CSMD1: variants seen among roughly 807,000 people sequenced by gnomAD.
CSMD1 encodes CUB and Sushi multiple domains 1.
Under a neutral mutation model 417.5 loss-of-function variants are expected in CSMD1, and 213 were observed. That is an observed-to-expected ratio of 0.51 (90% CI 0.46 to 0.57). CSMD1 has a LOEUF of 0.57. Among genes scored for constraint, CSMD1 ranks in the 20% least tolerant of loss-of-function variants. CSMD1 has a pLI of 0.00. For missense variants in CSMD1, 6,923 were observed against 4,529.7 expected (o/e 1.53, Z -15.17); for synonymous variants, 2,862 against 1,736.8 (o/e 1.65, Z -16.11).
At chr8:3,637,560 T>C (rs1563221258) in intron 7 of CSMD1, among the ~76,000 whole-genome samples, 1 of 152,142 alleles carries the variant, frequency 6.6e-6, no homozygotes, top group Non-Finnish European at 1.5e-5. Flanking sequence ...TTTTTTCCTA[T>C]TTTTTAATAC....
At chr8:4,113,183 C>G (rs1801949144) in intron 3 of CSMD1, among the ~76,000 whole-genome samples, 1 of 151,978 alleles carries the variant, frequency 6.6e-6, no homozygotes, top group African/African-American at 2.4e-5. Context: ...CCCAGAGACA[C>G]AACAATATTG....
chr8:3,525,581 G>A (rs559346421), intron 10 of CSMD1, among the ~76,000 whole-genome samples: 1 of 152,110 alleles, frequency 6.6e-6, no homozygotes, highest in Non-Finnish European at 1.5e-5. Flanking sequence ...AACAAGCAGA[G>A]GGATAAGTCT....
In CSMD1 at chr8:4,994,280, G is replaced by A. The variant is rs1381845491; in HGVS notation, c.85+52C>T. 12 of 1,536,444 alleles carry A rather than the reference G, an allele frequency of 7.8e-6. No individual in the cohort carries two copies. The South Asian group carries it at 1.1e-4, about 14-fold the overall frequency. On this transcript the variant is annotated intron_variant, in intron 1 of 69. Coordinates refer to ENST00000635120, the MANE Select transcript of CSMD1 (RefSeq NM_033225.6). ...AAAACGCACACTCGCGTCCGCACACGGGGCCTCCGAGGGCTCTACCGCCTC... is the reference window on the plus strand; with the variant it reads ...AAAACGCACACTCGCGTCCGCACACAGGGCCTCCGAGGGCTCTACCGCCTC...
chr8:4,974,346 C>T (rs538164464), intron 1 of CSMD1, among the ~76,000 whole-genome samples: 1 of 152,078 alleles, frequency 6.6e-6, no homozygotes, highest in Non-Finnish European at 1.5e-5. Flanking sequence ...CACAATGTCT[C>T]ACATGTCGGT....
At chr8:4,985,691 T>C (rs1199755812) in intron 1 of CSMD1, among the ~76,000 whole-genome samples, 2 of 152,228 alleles carry the variant, frequency 1.3e-5, no homozygotes, top group African/African-American at 2.4e-5. Context: ...CTTGATATTA[T>C]TTATATTTTT....
At chr8:4,811,936 G>A (rs762799300) in intron 1 of CSMD1, among the ~76,000 whole-genome samples, 5 of 152,160 alleles carry the variant, frequency 3.3e-5, no homozygotes, top group African/African-American at 4.8e-5. Context: ...TCTGATAGGC[G>A]CATTAGAATA....
chr8:3,476,558 C>G (rs1018348544), intron 11 of CSMD1, among the ~76,000 whole-genome samples: 1 of 152,070 alleles, frequency 6.6e-6, no homozygotes, highest in Non-Finnish European at 1.5e-5. Flanking sequence ...CGCTTGCAAT[C>G]TCAAAGGTTA....
chr8:4,119,932 G>A (rs774676717), intron 3 of CSMD1, among the ~76,000 whole-genome samples: 1 of 133,574 alleles, frequency 7.5e-6, no homozygotes. Flanking sequence ...GAGAGGAGCT[G>A]GGGATGGTTA....
chr8:4,655,318 C>T (rs968745788), intron 1 of CSMD1, among the ~76,000 whole-genome samples: 3 of 152,082 alleles, frequency 2.0e-5, no homozygotes, highest in Admixed American at 1.3e-4. Flanking sequence ...CCTAGTTCCT[C>T]AATGGCCACT....
At chr8:4,075,094 G>C (rs1799753544) in intron 3 of CSMD1, among the ~76,000 whole-genome samples, 1 of 152,052 alleles carries the variant, frequency 6.6e-6, no homozygotes, top group Admixed American at 6.6e-5. Context: ...AGTATTATTA[G>C]ACAAAGAACA....
intron 12 of CSMD1, among the ~76,000 whole-genome samples, chr8:3,450,761 G>T (rs1815652870): frequency 2.0e-5 from 3 of 151,968 alleles, no homozygotes; most frequent in Admixed American, 2.0e-4. Flanking sequence ...TGTGAATAGT[G>T]CCACAGTAAA....
intron 12 of CSMD1, among the ~76,000 whole-genome samples, chr8:3,442,320 G>C (rs1407469611): frequency 2.6e-5 from 4 of 152,134 alleles, no homozygotes; most frequent in East Asian, 1.9e-4. Flanking sequence ...GTCTACAGCA[G>C]TGTATGGTAA....
At chr8:4,026,431 G>T (rs182444965) in intron 4 of CSMD1, among the ~76,000 whole-genome samples, 279 of 152,290 alleles carry the variant, frequency 1.8e-3, no homozygotes, top group Middle Eastern at 6.8e-3. Flanking sequence ...ACACTTAGCT[G>T]ACTGTTATGT....
chr8:3,588,973 G>A (rs1201015875), intron 8 of CSMD1, among the ~76,000 whole-genome samples: 1 of 152,068 alleles, frequency 6.6e-6, no homozygotes, highest in Non-Finnish European at 1.5e-5. Context: ...CAGGTATATG[G>A]AAAGGTGCTC....
At chr8:4,328,473 G>C (rs1799682705) in intron 3 of CSMD1, among the ~76,000 whole-genome samples, 1 of 151,630 alleles carries the variant, frequency 6.6e-6, no homozygotes, top group African/African-American at 2.4e-5. Context: ...ACAGTTAACA[G>C]GGGACTTACA....
intron 25 of CSMD1, among the ~76,000 whole-genome samples, chr8:3,304,944 A>ATGAT (rs576542003): frequency 0.019 from 2,855 of 152,314 alleles, 35 homozygotes; most frequent in East Asian, 0.035. Context: ...ATTAGCATAG[A>ATGAT]TGATTTCTAC....
chr8:2,973,335 G>T (rs138424046), intron 56 of CSMD1, 36 bp from the exon 57 acceptor site: 3 of 1,592,954 alleles, frequency 1.9e-6, no homozygotes, highest in South Asian at 1.1e-5. Flanking sequence ...ATCCACAATT[G>T]TGTTAGACTT....
chr8:4,380,755 T>C (rs1158512820), intron 3 of CSMD1, among the ~76,000 whole-genome samples: 2 of 152,050 alleles, frequency 1.3e-5, no homozygotes, highest in African/African-American at 4.8e-5. Flanking sequence ...TCACGACTTC[T>C]CTGTAAAAGT....
intron 55 of CSMD1, among the ~76,000 whole-genome samples, chr8:2,977,733 G>GA (rs1313532995): frequency 6.6e-6 from 1 of 151,848 alleles, no homozygotes; most frequent in Non-Finnish European, 1.5e-5. Context: ...AAATTTACAA[G>GA]AAAAAAACAA....
Sources: allele counts gnomAD v4.1 joint callset (sites outside exome capture counted in the v4.1 genomes callset), GRCh38; gene constraint gnomAD v4.1.1; transcripts MANE v1.5; gene names NCBI Gene and HGNC (gene_info 2026-07-23, HGNC 2026-07-21).